ABHD3: variants seen among roughly 807,000 people sequenced by gnomAD.
The protein encoded by ABHD3 is abhydrolase domain containing 3, phospholipase.
In ABHD3, 46 loss-of-function variants were observed where a neutral mutation model predicts 48.8. That is an observed-to-expected ratio of 0.94 (90% CI 0.74 to 1.20). The LOEUF (loss-of-function observed/expected upper bound fraction) is 1.20, where lower values mean the gene tolerates loss of function less well. ABHD3 is among the 50% of genes most tolerant of loss of function. The probability of loss-of-function intolerance (pLI) is 0.00; values close to 1 mark genes in which losing one functional copy is unlikely to be tolerated. For missense variants in ABHD3, 490 were observed against 497.8 expected (o/e 0.98, Z 0.15); for synonymous variants, 192 against 183.7 (o/e 1.04, Z -0.36).
intron 6 of ABHD3, 43 bp downstream of exon 6, chr18:21,659,127 C>T (rs1171148663): frequency 1.3e-6 from 2 of 1,582,650 alleles, no homozygotes; most frequent in Admixed American, 3.6e-5. Context: ...GCGTGAGCCA[C>T]CGGGCCCGGC....
chr18:21,698,263 G>A (rs1311092294), intron 3 of ABHD3, among the ~76,000 whole-genome samples: 1 of 151,198 alleles, frequency 6.6e-6, no homozygotes, highest in Non-Finnish European at 1.5e-5. Context: ...TCAGCTCACT[G>A]CAACCTCCGC....
At chr18:21,690,306 C>A (rs540668833) in intron 3 of ABHD3, among the ~76,000 whole-genome samples, 2 of 151,150 alleles carry the variant, frequency 1.3e-5, no homozygotes, top group Admixed American at 6.6e-5. Context: ...AAAAAAAAAA[C>A]AACATACATG....
chr18:21,668,116 G>A (rs2039676461), intron 4 of ABHD3, among the ~76,000 whole-genome samples: 1 of 138,844 alleles, frequency 7.2e-6, no homozygotes, highest in African/African-American at 2.9e-5. Context: ...CAGGAGAATG[G>A]CACGAACCCA....
At chr18:21,693,410 G>A (rs13380995) in intron 3 of ABHD3, among the ~76,000 whole-genome samples, 13,579 of 152,124 alleles carry the variant, frequency 0.089, 2,001 homozygotes, top group African/African-American at 0.31. Context: ...AGGCAGATCC[G>A]ACTCAAGAAT....
chr18:21,657,233 A>C (rs191494123), intron 6 of ABHD3, 81 bp from the exon 7 acceptor site: 32 of 1,318,224 alleles, frequency 2.4e-5, no homozygotes, highest in Middle Eastern at 5.4e-4. Context: ...ACAAATTACT[A>C]AACAGCCTAC....
intron 4 of ABHD3, among the ~76,000 whole-genome samples, chr18:21,665,901 G>C (rs2039613488): frequency 6.6e-6 from 1 of 152,042 alleles, no homozygotes; most frequent in Non-Finnish European, 1.5e-5. Context: ...CTGGGGAACT[G>C]TTTTCTCCAC....
intron 5 of ABHD3, among the ~76,000 whole-genome samples, chr18:21,661,322 GT>G (rs2039490134): frequency 6.6e-6 from 1 of 151,976 alleles, no homozygotes; most frequent in South Asian, 2.1e-4. Flanking sequence ...ATATGGTTTT[GT>G]TTTTTTGTTG....
chr18:21,661,101 C>CT (rs1433315010), intron 5 of ABHD3, among the ~76,000 whole-genome samples: 10 of 29,782 alleles, frequency 3.4e-4, no homozygotes, highest in Non-Finnish European at 4.3e-4. Flanking sequence ...AAACTACAAG[C>CT]TAAAAAAAAA....
chr18:21,679,604 C>T (rs1408088572), intron 4 of ABHD3, among the ~76,000 whole-genome samples: 1 of 152,250 alleles, frequency 6.6e-6, no homozygotes, highest in East Asian at 1.9e-4. Flanking sequence ...TCTGGGCTCA[C>T]TGCAACCTTT....
At chr18:21,664,799 T>A (rs762704186) in intron 4 of ABHD3, among the ~76,000 whole-genome samples, 23 of 151,992 alleles carry the variant, frequency 1.5e-4, no homozygotes, top group Non-Finnish European at 2.9e-4. Context: ...AACAGATTTT[T>A]AAAAAAATGT....
chr18:21,663,338 T>C (rs1223612553), intron 5 of ABHD3, among the ~76,000 whole-genome samples: 2 of 152,158 alleles, frequency 1.3e-5, no homozygotes, highest in Non-Finnish European at 2.9e-5. Flanking sequence ...TATCATTTTC[T>C]ATCTTCAGTA....
At chr18:21,689,545 G>A (rs1456532550) in intron 3 of ABHD3, among the ~76,000 whole-genome samples, 2 of 46,322 alleles carry the variant, frequency 4.3e-5, no homozygotes, top group African/African-American at 1.0e-3. Context: ...GTGAAATCTG[G>A]TCTCAAAAAA....
At chr18:21,681,164 T>G (rs956302262) in intron 4 of ABHD3, among the ~76,000 whole-genome samples, 2 of 152,032 alleles carry the variant, frequency 1.3e-5, no homozygotes, top group Non-Finnish European at 2.9e-5. Context: ...CTTGCCTATT[T>G]CTCCTGAAGG....
chr18:21,695,386 A>C (rs2040347685), intron 3 of ABHD3, among the ~76,000 whole-genome samples: 1 of 152,190 alleles, frequency 6.6e-6, no homozygotes, highest in Admixed American at 6.5e-5. Context: ...TGATACAAGC[A>C]AAAGTGGTGT....
chr18:21,678,344 C>T (rs1174662849), intron 4 of ABHD3, among the ~76,000 whole-genome samples: 2 of 152,094 alleles, frequency 1.3e-5, no homozygotes, highest in African/African-American at 4.8e-5. Flanking sequence ...GAGGAACTGC[C>T]AGACTATTTT....
At chr18:21,663,015 G>A (rs1226813223) in intron 5 of ABHD3, among the ~76,000 whole-genome samples, 1 of 152,174 alleles carries the variant, frequency 6.6e-6, no homozygotes, top group Admixed American at 6.5e-5. Context: ...GAGAGTCTGC[G>A]TGGGTTTTCT....
intron 3 of ABHD3, among the ~76,000 whole-genome samples, chr18:21,694,370 T>A (rs1374665783): frequency 6.6e-6 from 1 of 152,200 alleles, no homozygotes; most frequent in Admixed American, 6.5e-5. Flanking sequence ...GTGCTGGGAT[T>A]ACAGGCGTGA....
At chr18:21,665,322 C>T (rs901498061) in intron 4 of ABHD3, among the ~76,000 whole-genome samples, 5 of 152,094 alleles carry the variant, frequency 3.3e-5, no homozygotes, top group African/African-American at 1.2e-4. Context: ...CTCACTGTAG[C>T]CTCGACTTCC....
intron 6 of ABHD3, among the ~76,000 whole-genome samples, chr18:21,658,197 A>T (rs1461856058): frequency 6.6e-6 from 1 of 151,204 alleles, no homozygotes; most frequent in African/African-American, 2.4e-5. Context: ...ACCCAGTCTT[A>T]AAAAAAAAGA....
Sources: allele counts gnomAD v4.1 joint callset (sites outside exome capture counted in the v4.1 genomes callset), GRCh38; gene constraint gnomAD v4.1.1; transcripts MANE v1.5; gene names NCBI Gene and HGNC (gene_info 2026-07-23, HGNC 2026-07-21).